Variants in NFATC3 observed in about 807,000 individuals in gnomAD.
NFATC3 encodes nuclear factor of activated T cells 3.
NFATC3 carries 46 observed loss-of-function variants against 98.6 expected under a neutral mutation model. That is an observed-to-expected ratio of 0.47 (90% CI 0.37 to 0.60). NFATC3 has a LOEUF of 0.60. Among genes scored for constraint, NFATC3 ranks in the 20% least tolerant of loss-of-function variants. The pLI, the probability that NFATC3 is intolerant of heterozygous loss-of-function variation, is 0.00. For synonymous variants in NFATC3, 512 were observed against 472.2 expected, an observed-to-expected ratio of 1.08 and a Z score of -1.09; for missense variants, 1,256 against 1,295.5, an observed-to-expected ratio of 0.97 and a Z score of 0.47.
At chr16:68,098,457 A>G (rs2035161083) in intron 1 of NFATC3, among the ~76,000 whole-genome samples, 1 of 151,818 alleles carries the variant, frequency 6.6e-6, no homozygotes, top group South Asian at 2.1e-4. Flanking sequence ...ACACGCCACC[A>G]TGCCCGGCTA....
At chr16:68,195,693 A>G (rs963300220) in intron 9 of NFATC3, among the ~76,000 whole-genome samples, 2 of 151,992 alleles carry the variant, frequency 1.3e-5, no homozygotes, top group African/African-American at 2.4e-5. Flanking sequence ...CTGTAGTCCC[A>G]GCTACTTGGG....
At chr16:68,130,267 T>G (rs1345210662) in intron 3 of NFATC3, among the ~76,000 whole-genome samples, 1 of 152,180 alleles carries the variant, frequency 6.6e-6, no homozygotes, top group Non-Finnish European at 1.5e-5. Flanking sequence ...CACATTTCCA[T>G]AACAGTGTGC....
chr16:68,225,268 A>G (rs1419455961), intron 9 of NFATC3: 2 of 152,234 alleles, frequency 1.3e-5, no homozygotes, highest in Non-Finnish European at 2.9e-5. Context: ...ATCTAATTTT[A>G]TAACTCCATT....
rs2035017839 is a variant in NFATC3 at position 68,096,319 on chromosome 16, G to A, written c.103+10535G>A. Among the ~76,000 whole-genome samples the A allele has an allele frequency of 3.3e-5, 5 of 152,144 alleles. No individual in the cohort carries two copies. In the South Asian group the frequency reaches 1.0e-3, roughly 31 times the overall value. On this transcript the variant is annotated intron_variant, in intron 1 of 9. Coordinates refer to ENST00000346183, the MANE Select transcript of NFATC3 (RefSeq NM_173165.3). ...CATTCTTTCGAAGGCTCATCTGAAA[G>A]AAACTAGCTGTTGTTAAAGGATAAA...
chr16:68,090,426 G>A (rs2034650926), intron 1 of NFATC3, among the ~76,000 whole-genome samples: 3 of 151,292 alleles, frequency 2.0e-5, no homozygotes, highest in African/African-American at 4.9e-5. Flanking sequence ...TTGAGAGATA[G>A]TAGGGCATTT....
At chr16:68,137,205 A>T (rs1274823889) in intron 3 of NFATC3, among the ~76,000 whole-genome samples, 3 of 152,206 alleles carry the variant, frequency 2.0e-5, no homozygotes, top group Non-Finnish European at 4.4e-5. Flanking sequence ...AGCTGTACAA[A>T]GATATTTTAT....
intron 4 of NFATC3, among the ~76,000 whole-genome samples, chr16:68,164,636 T>G (rs1318199723): frequency 6.6e-6 from 1 of 152,006 alleles, no homozygotes; most frequent in African/African-American, 2.4e-5. Context: ...TCCCAGCTCT[T>G]TGGGAGGCTG....
intron 3 of NFATC3, among the ~76,000 whole-genome samples, chr16:68,128,223 A>G (rs1257396317): frequency 3.3e-5 from 5 of 152,206 alleles, no homozygotes; most frequent in African/African-American, 1.2e-4. Flanking sequence ...AATAAAATCT[A>G]CAAATTATCA....
Position 68,085,574 on chromosome 16 carries a change from C to G in NFATC3, c.-108C>G. 1 of 1,012,418 alleles carries G rather than the reference C, an allele frequency of 9.9e-7. No individual in the cohort carries two copies. The highest frequency in any genetic ancestry group is 1.4e-6 in the Non-Finnish European group (1 of 734,876). The allele number at this position is 1,012,418 out of a possible 1,614,324, so 62.7% of individuals were successfully genotyped here. ...AAAGTTTGCCGTGGAGTCGCGACCT[C>G]TTGGCCCGCGCGGCCCGGCATGAAG... On this transcript the variant is annotated 5_prime_UTR_variant, in exon 1 of 10. Coordinates refer to ENST00000346183, the MANE Select transcript of NFATC3 (RefSeq NM_173165.3).
chr16:68,192,210 G>GGAAA (rs1484780002), intron 9 of NFATC3: 2 of 13,848 alleles, frequency 1.4e-4, no homozygotes, highest in Non-Finnish European at 2.5e-4. Flanking sequence ...TCCGTCTCGG[G>GGAAA]AAAAAAAAAA....
At chr16:68,192,332 T>TATATATAG (rs1249886948) in intron 9 of NFATC3, 1 of 134,478 alleles carries the variant, frequency 7.4e-6, no homozygotes, top group African/African-American at 2.8e-5. Context: ...TATATATATA[T>TATATATAG]AGAGAGAGAG....
At chr16:68,173,705 T>C (rs536013366) in intron 5 of NFATC3, among the ~76,000 whole-genome samples, 1 of 152,234 alleles carries the variant, frequency 6.6e-6, no homozygotes, top group South Asian at 2.1e-4. Flanking sequence ...CTTTTTGTAA[T>C]TAGATTTATA....
At chr16:68,172,465 G>GA (rs1373004546) in intron 5 of NFATC3, among the ~76,000 whole-genome samples, 1 of 152,068 alleles carries the variant, frequency 6.6e-6, no homozygotes, top group Non-Finnish European at 1.5e-5. Context: ...TATTTGGCAA[G>GA]AAAAAACCAT....
At chr16:68,197,462 A>G (rs544410603) in intron 9 of NFATC3, among the ~76,000 whole-genome samples, 1 of 152,224 alleles carries the variant, frequency 6.6e-6, no homozygotes, top group East Asian at 1.9e-4. Flanking sequence ...AGTTAACTTT[A>G]AAAGTCATAG....
intron 8 of NFATC3, among the ~76,000 whole-genome samples, chr16:68,186,580 C>G (rs2040212438): frequency 1.3e-5 from 2 of 152,086 alleles, no homozygotes; most frequent in Non-Finnish European, 1.5e-5. Context: ...AAAAAACATT[C>G]AAATTCTCTT....
intron 9 of NFATC3, among the ~76,000 whole-genome samples, chr16:68,215,722 CTTTTTTTT>C (rs35024337): frequency 1.0e-5 from 1 of 96,040 alleles, no homozygotes; most frequent in African/African-American, 4.4e-5. Flanking sequence ...GAGATTTGCA[CTTTTTTTT>C]TTTTTTTTTT....
In NFATC3 at chr16:68,122,887, A is replaced by T; in HGVS notation, c.1004A>T (p.Asp335Val). The T allele has an allele frequency of 6.2e-7, 1 of 1,614,182 alleles. No homozygotes were observed. Among genetic ancestry groups the T allele is most frequent in the South Asian group, 1.1e-5 (1 of 91,086 alleles). Residue 335 changes from aspartate (D) to valine (V), a missense_variant, in exon 2 of 10, where the codon GAC becomes GTC. Physicochemically the swap from Asp to Val is radical, Grantham distance 152 (BLOSUM62 -3). Around this residue, in one of 3 missense-constraint regions of NFATC3, gnomAD observed 464 missense variants for 465.7 expected, o/e 1.00. Transcript: ENST00000346183. ...CCATTTCAGTACTGTGTAGAGACTGACATCCCTCTCAAAACAAGGAAAACT... is the reference window on the plus strand; with the variant it reads ...CCATTTCAGTACTGTGTAGAGACTGTCATCCCTCTCAAAACAAGGAAAACT... ...VFPFQYCVET[D>V]IPLKTRKTSE...
In NFATC3 at chr16:68,183,291, G is replaced by A. The variant is rs767227825; in HGVS notation, c.2023G>A (p.Ala675Thr). The change falls in exon 8 of 10, where the codon GCA (alanine) becomes ACA (threonine). Residue 675 changes from alanine (A) to threonine (T), a missense_variant. Physicochemically the swap from Ala to Thr is moderately conservative, Grantham distance 58 (BLOSUM62 0). Transcript: ENST00000346183. ...ATATCATAACCCAGCAGTTACAGCT[G>A]CAGTGCAGGTGCACTTTTATCTTTG... ...PPYHNPAVTA[A>T]VQVHFYLCNG... 6.2e-7 allele frequency: 1 copy of A among 1,609,708 alleles called. No homozygotes were observed. The highest frequency in any genetic ancestry group is 8.5e-7 in the Non-Finnish European group (1 of 1,178,782).
chr16:68,157,731 T>C, intron 3 of NFATC3, 138 bp from the exon 4 acceptor site: 1 of 638,682 alleles, frequency 1.6e-6, no homozygotes, highest in Non-Finnish European at 2.5e-6. Flanking sequence ...CACTGGTTAC[T>C]TTTGGTTGTA....
Sources: allele counts gnomAD v4.1 joint callset (sites outside exome capture counted in the v4.1 genomes callset), GRCh38; gene constraint gnomAD v4.1.1; regional missense constraint gnomAD v4.1.1; transcripts MANE v1.5; gene names NCBI Gene and HGNC (gene_info 2026-07-23, HGNC 2026-07-21).